RPS29: variants seen among roughly 807,000 people sequenced by gnomAD.
RPS29 encodes ribosomal protein S29, also known as small ribosomal subunit protein uS14.
For missense variants in RPS29, 60 were observed against 75.7 expected, an observed-to-expected ratio of 0.79 and a Z score of 0.77; for synonymous variants, 37 against 26.9, an observed-to-expected ratio of 1.37 and a Z score of -1.16.
exon 3 of RPS29, chr14:49,573,466 CAAAAAAAAAAAAA>C (rs538991068): frequency 4.2e-5 from 2 of 47,772 alleles, no homozygotes; most frequent in South Asian, 1.4e-3. Context: ...GAGTTAGAAT[CAAAAAAAAAAAAA>C]AAAAAAAGAG....
upstream of RPS29, among the ~76,000 whole-genome samples, chr14:49,589,398 G>T (rs983301662): frequency 9.9e-5 from 15 of 151,968 alleles, 1 homozygote; most frequent in African/African-American, 3.4e-4. Context: ...ATGTAAGATC[G>T]AAGCATTCTA....
upstream of RPS29, among the ~76,000 whole-genome samples, chr14:49,588,710 G>C (rs1247490540): frequency 1.3e-5 from 2 of 150,808 alleles, no homozygotes; most frequent in Non-Finnish European, 3.0e-5. Flanking sequence ...TACATTTTTG[G>C]TAGAGATGGG....
downstream of RPS29, among the ~76,000 whole-genome samples, chr14:49,580,450 T>C (rs1881302235): frequency 6.6e-6 from 1 of 152,188 alleles, no homozygotes; most frequent in Non-Finnish European, 1.5e-5. Flanking sequence ...CACATACACC[T>C]GGGGTTCAGG....
At chr14:49,592,660 G>A (rs557078498) in intron 1 of RPS29, among the ~76,000 whole-genome samples, 1 of 151,250 alleles carries the variant, frequency 6.6e-6, no homozygotes, top group South Asian at 2.1e-4. Context: ...TGTAATCCCA[G>A]CACTTTGGGA....
chr14:49,577,778 G>T, exon 3 of RPS29: 5 of 1,567,454 alleles, frequency 3.2e-6, no homozygotes, highest in Non-Finnish European at 4.4e-6. Flanking sequence ...CTTCGCGAGC[G>T]GTCTCAGGAT....
At chr14:49,577,912 C>T in intron 2 of RPS29, 2 of 1,289,984 alleles carry the variant, frequency 1.6e-6, no homozygotes, top group Non-Finnish European at 2.2e-6. Context: ...CAACCAAATT[C>T]AATAAATTTG....
At chr14:49,581,430 A>AT (rs1313035426), downstream of RPS29, among the ~76,000 whole-genome samples, 2 of 152,278 alleles carry the variant, frequency 1.3e-5, no homozygotes, top group East Asian at 1.9e-4. Context: ...TGAACTTTCT[A>AT]TTCTTCCCAA....
At chr14:49,576,531 T>C (rs1289722956) in exon 3 of RPS29, 1 of 152,150 alleles carries the variant, frequency 6.6e-6, no homozygotes, top group African/African-American at 2.4e-5. Context: ...CCAATTACCA[T>C]TAAAGATAGT....
chr14:49,582,117 T>C (rs1260455363), downstream of RPS29, among the ~76,000 whole-genome samples: 1 of 151,904 alleles, frequency 6.6e-6, no homozygotes, highest in Non-Finnish European at 1.5e-5. Context: ...GCTTTATTTC[T>C]ACCTCTGCCT....
chr14:49,583,784 T>C (rs1881416724), intron 2 of RPS29, 109 bp from the exon 3 acceptor site: 1 of 710,078 alleles, frequency 1.4e-6, no homozygotes, highest in Non-Finnish European at 2.5e-6. Context: ...GAACTGGACC[T>C]TTGACCTATC....
chr14:49,586,726 G>C (rs913595999), upstream of RPS29: 35 of 246,218 alleles, frequency 1.4e-4, no homozygotes, highest in East Asian at 2.6e-4. Context: ...TGACCTCCCG[G>C]GAGCGGGGGA....
intron 1 of RPS29, among the ~76,000 whole-genome samples, chr14:49,596,413 T>C (rs1881823233): frequency 6.6e-6 from 1 of 152,136 alleles, no homozygotes; most frequent in South Asian, 2.1e-4. Context: ...ATTTTATTTG[T>C]ATGGTGGTAA....
At chr14:49,572,401 T>C (rs1345139925) in exon 3 of RPS29, 2 of 152,246 alleles carry the variant, frequency 1.3e-5, no homozygotes, top group Non-Finnish European at 2.9e-5. Context: ...ATATACCGGT[T>C]GAGGTCAGAA....
At chr14:49,590,617 C>T (rs770829101), upstream of RPS29, among the ~76,000 whole-genome samples, 9 of 152,108 alleles carry the variant, frequency 5.9e-5, no homozygotes, top group Non-Finnish European at 8.8e-5. Context: ...ACATGTTTCG[C>T]ATGTTTGGTT....
intron 2 of RPS29, among the ~76,000 whole-genome samples, chr14:49,578,559 C>CTTTTTTTTTTTTTTTT (rs60555753): frequency 9.7e-6 from 1 of 103,466 alleles, no homozygotes; most frequent in African/African-American, 3.8e-5. Context: ...AAAGCTTTCA[C>CTTTTTTTTTTTTTTTT]TTTTTTTTTT....
upstream of RPS29, among the ~76,000 whole-genome samples, chr14:49,590,216 G>A (rs924310759): frequency 6.6e-6 from 1 of 152,246 alleles, no homozygotes; most frequent in Admixed American, 6.5e-5. Flanking sequence ...GGTGGCTCAC[G>A]CCTGTAATCC....
At chr14:49,593,531 C>T (rs1362492260) in intron 1 of RPS29, among the ~76,000 whole-genome samples, 1 of 151,728 alleles carries the variant, frequency 6.6e-6, no homozygotes, top group Non-Finnish European at 1.5e-5. Flanking sequence ...TGGTGAAACT[C>T]CGTCTCTACT....
chr14:49,591,667 A>T (rs181339366), intron 1 of RPS29, among the ~76,000 whole-genome samples: 1 of 132,906 alleles, frequency 7.5e-6, no homozygotes, highest in East Asian at 2.1e-4. Flanking sequence ...GTCAGCCAGG[A>T]TGGAGTGCAG....
chr14:49,573,103 G>GAAAGAAAGAAAGAAAGACAGAAAGAAA (rs1566473648), exon 3 of RPS29: 1 of 142,442 alleles, frequency 7.0e-6, no homozygotes, highest in African/African-American at 2.6e-5. Context: ...AAAGAAAGAA[G>GAAAGAAAGAAAGAAAGACAGAAAGAAA]GAAAGAAAGA....
Sources: gnomAD v4.1 joint callset for allele counts (sites outside exome capture counted in the v4.1 genomes callset) on GRCh38, gnomAD v4.1.1 for gene constraint, MANE v1.5 for transcripts, NCBI Gene and HGNC (gene_info 2026-07-23, HGNC 2026-07-21) for gene names.